Variants in MCTP1 observed in about 807,000 individuals in gnomAD.
MCTP1 encodes the protein multiple C2 and transmembrane domain containing 1, also known as multiple C2 and transmembrane domain-containing protein 1.
MCTP1 carries 69 observed loss-of-function variants against 120.6 expected under a neutral mutation model. The ratio of observed to expected loss-of-function variants is 0.57; its 90% CI spans 0.47 to 0.70. The LOEUF is 0.70. Among genes scored for constraint, MCTP1 ranks in the 30% least tolerant of loss-of-function variants. The pLI, the probability that MCTP1 is intolerant of heterozygous loss-of-function variation, is 0.00. For missense variants in MCTP1, 1,203 were observed against 1,248.8 expected, an observed-to-expected ratio of 0.96 and a Z score of 0.55; for synonymous variants, 529 against 493.1, an observed-to-expected ratio of 1.07 and a Z score of -0.96.
chr5:95,257,750 C>T (rs1293692717), intron 1 of MCTP1, among the ~76,000 whole-genome samples: 1 of 147,448 alleles, frequency 6.8e-6, no homozygotes, highest in Non-Finnish European at 1.5e-5. Context: ...AGAGCCTGGA[C>T]AGTCTAATGG....
chr5:95,131,577 C>T (rs1257255702), intron 1 of MCTP1, among the ~76,000 whole-genome samples: 1 of 152,136 alleles, frequency 6.6e-6, no homozygotes, highest in Non-Finnish European at 1.5e-5. Context: ...TTCTTATCAT[C>T]TTTGCTCTGA....
chr5:95,017,832 G>A (rs1186579032), intron 1 of MCTP1, among the ~76,000 whole-genome samples: 2 of 152,096 alleles, frequency 1.3e-5, no homozygotes, highest in Non-Finnish European at 2.9e-5. Flanking sequence ...ATGATGAGTG[G>A]AGAATAAGAG....
intron 1 of MCTP1, among the ~76,000 whole-genome samples, chr5:95,138,231 C>A (rs1759595091): frequency 1.4e-5 from 2 of 147,154 alleles, no homozygotes; most frequent in Admixed American, 6.7e-5. Flanking sequence ...CTGTGAGATG[C>A]AACCCCCCCC....
intron 1 of MCTP1, among the ~76,000 whole-genome samples, chr5:95,087,476 C>T (rs1050455898): frequency 6.6e-6 from 1 of 152,178 alleles, no homozygotes; most frequent in Admixed American, 6.5e-5. Context: ...ACAGTCTCTG[C>T]TCAGCTCCAG....
chr5:95,242,995 T>C (rs1756338979), intron 1 of MCTP1, among the ~76,000 whole-genome samples: 1 of 152,144 alleles, frequency 6.6e-6, no homozygotes, highest in South Asian at 2.1e-4. Flanking sequence ...CTTCCACTAT[T>C]TAGGACATGT....
chr5:95,100,757 G>A (rs1756663973), intron 1 of MCTP1, among the ~76,000 whole-genome samples: 1 of 152,158 alleles, frequency 6.6e-6, no homozygotes, highest in Admixed American at 6.5e-5. Flanking sequence ...TCCCAGCGAT[G>A]ATATCATCAA....
Position 94,853,860 on chromosome 5 carries a change from C to T in MCTP1, c.2436+14473G>A, listed in dbSNP as rs566746411. Among the ~76,000 whole-genome samples the T allele has an allele frequency of 1.2e-4, 18 of 151,922 alleles. No individual in the cohort carries two copies. The South Asian group carries it at 1.9e-3, about 16-fold the overall frequency. Reference sequence around the variant, plus strand: ...TGCTATTTAGGGGTGGCCTTATTCCCGCCTCTGGATAACAGATATGATCAT... The same window carrying T: ...TGCTATTTAGGGGTGGCCTTATTCCTGCCTCTGGATAACAGATATGATCAT... On this transcript the variant is annotated intron_variant, in intron 17 of 22. Coordinates refer to ENST00000515393, the MANE Select transcript of MCTP1 (RefSeq NM_024717.7).
chr5:94,777,311 T>C (rs996938915), intron 19 of MCTP1, among the ~76,000 whole-genome samples: 2 of 152,190 alleles, frequency 1.3e-5, no homozygotes, highest in African/African-American at 2.4e-5. Context: ...AGATTTGGTG[T>C]TGTTTCCCCC....
chr5:95,247,594 T>C (rs1756945862), intron 1 of MCTP1, among the ~76,000 whole-genome samples: 1 of 152,224 alleles, frequency 6.6e-6, no homozygotes, highest in Non-Finnish European at 1.5e-5. Context: ...CATTGTGTCT[T>C]TGTTCTCATT....
intron 1 of MCTP1, among the ~76,000 whole-genome samples, chr5:95,163,866 ATTTTC>A (rs1415788895): frequency 3.3e-5 from 5 of 151,998 alleles, no homozygotes; most frequent in Non-Finnish European, 7.4e-5. Flanking sequence ...TGAAAATCAC[ATTTTC>A]TTTTAAGTCT....
chr5:94,777,647 G>A (rs1245293704), intron 19 of MCTP1, among the ~76,000 whole-genome samples: 6 of 152,154 alleles, frequency 3.9e-5, no homozygotes, highest in Non-Finnish European at 8.8e-5. Flanking sequence ...TATCAGCAGA[G>A]AAATGATGAT....
intron 8 of MCTP1, among the ~76,000 whole-genome samples, chr5:94,917,608 T>C (rs1810410662): frequency 6.6e-6 from 1 of 152,198 alleles, no homozygotes; most frequent in African/African-American, 2.4e-5. Context: ...TCCAAGTTCA[T>C]AATTAATAAA....
At chr5:95,029,182 T>G (rs1185722230) in intron 1 of MCTP1, among the ~76,000 whole-genome samples, 13 of 151,276 alleles carry the variant, frequency 8.6e-5, no homozygotes, top group Admixed American at 8.6e-4. Context: ...GTAAAAGTGT[T>G]TGTAACTGTA....
chr5:95,004,733 T>C (rs1382813973), intron 2 of MCTP1, among the ~76,000 whole-genome samples: 1 of 152,210 alleles, frequency 6.6e-6, no homozygotes, highest in Admixed American at 6.5e-5. Flanking sequence ...CTTGGGAGCC[T>C]CTGCCTAGAT....
intron 17 of MCTP1, chr5:94,826,534 T>C (rs1230236664): frequency 4.2e-6 from 3 of 713,506 alleles, no homozygotes; most frequent in Non-Finnish European, 7.7e-6. Context: ...GTGATAGTGC[T>C]TCATTTTTTC....
intron 1 of MCTP1, among the ~76,000 whole-genome samples, chr5:95,200,348 A>G (rs1750876744): frequency 6.6e-6 from 1 of 152,232 alleles, no homozygotes; most frequent in Non-Finnish European, 1.5e-5. Context: ...AATACTGGGT[A>G]TATATTCAAA....
At chr5:94,965,596 C>T (rs899698065) in intron 2 of MCTP1, among the ~76,000 whole-genome samples, 1 of 152,136 alleles carries the variant, frequency 6.6e-6, no homozygotes, top group African/African-American at 2.4e-5. Flanking sequence ...TGATGTTACT[C>T]TTCTTAGTCT....
rs141227437 is a variant in MCTP1, at chr5:94,775,437, C to A, written c.2610+3673G>T. On this transcript the variant is annotated intron_variant, in intron 19 of 22. Coordinates refer to ENST00000515393, the MANE Select transcript of MCTP1 (RefSeq NM_024717.7). ...ATTATCTATAACATGGTGAAAAACA[C>A]CATTATATGGCTTGTTGATAGCTCC... 4.1e-3 allele frequency among the ~76,000 whole-genome samples: 621 copies of A among 152,208 alleles called. 5 individuals are homozygous for A. The highest frequency in any genetic ancestry group is 0.015 in the South Asian group (74 of 4,812).
At chr5:95,189,495 A>G (rs565609885) in intron 1 of MCTP1, among the ~76,000 whole-genome samples, 52 of 152,282 alleles carry the variant, frequency 3.4e-4, no homozygotes, top group Non-Finnish European at 5.7e-4. Context: ...TGGTTGTAAG[A>G]CAGAGAGGAG....
Sources: allele counts gnomAD v4.1 joint callset (sites outside exome capture counted in the v4.1 genomes callset), GRCh38; gene constraint gnomAD v4.1.1; transcripts MANE v1.5; gene names NCBI Gene and HGNC (gene_info 2026-07-23, HGNC 2026-07-21).